The following DGKB variants were observed in gnomAD, a reference collection of about 807,000 sequenced individuals.
The protein encoded by DGKB is 90 kDa diacylglycerol kinase.
A neutral mutation model predicts 114.3 loss-of-function variants in DGKB; 67 were observed. The ratio of observed to expected loss-of-function variants is 0.59; its 90% CI spans 0.48 to 0.72. The LOEUF (loss-of-function observed/expected upper bound fraction) is 0.72, where lower values mean the gene tolerates loss of function less well. Among genes scored for constraint, DGKB ranks in the 30% least tolerant of loss-of-function variants. The pLI, the probability that DGKB is intolerant of heterozygous loss-of-function variation, is 0.00. For synonymous variants in DGKB, 398 were observed against 323.1 expected (o/e 1.23, Z -2.49); for missense variants, 907 against 975.2 (o/e 0.93, Z 0.93).
At chr7:14,582,962 G>A in intron 18 of DGKB, 90 bp downstream of exon 18, 1 of 857,736 alleles carries the variant, frequency 1.2e-6, no homozygotes, top group Non-Finnish European at 2.0e-6. Flanking sequence ...TGCTTCCAAA[G>A]ATAATGATAC....
At chr7:14,672,877 T>C (rs1819202053) in intron 13 of DGKB, 52 bp downstream of exon 13, 1 of 1,102,588 alleles carries the variant, frequency 9.1e-7, no homozygotes, top group Non-Finnish European at 1.3e-6. Context: ...TATACGATAC[T>C]GATAAGTCAC....
At chr7:14,753,905 T>G (rs1332620248) in intron 4 of DGKB, 23 bp downstream of exon 4, 1 of 1,426,614 alleles carries the variant, frequency 7.0e-7, no homozygotes, top group Admixed American at 2.0e-5. Context: ...AGACAGACTT[T>G]AATAGAAAAG....
intron 15 of DGKB, among the ~76,000 whole-genome samples, chr7:14,614,707 C>T (rs1004363892): frequency 2.0e-5 from 3 of 152,090 alleles, no homozygotes; most frequent in East Asian, 3.9e-4. Context: ...TCCACATTAC[C>T]GAAGTGGGAA....
chr7:14,822,703 T>A (rs1845111592), intron 2 of DGKB, among the ~76,000 whole-genome samples: 1 of 152,148 alleles, frequency 6.6e-6, no homozygotes, highest in African/African-American at 2.4e-5. Flanking sequence ...GGTGTGGGTC[T>A]ACAGAATAGA....
chr7:14,907,344 G>T (rs754483607), upstream of DGKB, among the ~76,000 whole-genome samples: 12 of 152,150 alleles, frequency 7.9e-5, no homozygotes, highest in Non-Finnish European at 1.5e-4. Flanking sequence ...CAAAACAGAC[G>T]TGCTTCAATT....
chr7:14,824,148 G>A (rs1404392176), intron 2 of DGKB, among the ~76,000 whole-genome samples: 1 of 152,144 alleles, frequency 6.6e-6, no homozygotes, highest in Admixed American at 6.5e-5. Context: ...CACCCCCCAT[G>A]ATTCAATTAC....
intron 23 of DGKB, among the ~76,000 whole-genome samples, chr7:14,280,618 G>A (rs1474984422): frequency 2.0e-5 from 3 of 151,186 alleles, no homozygotes; most frequent in East Asian, 2.0e-4. Context: ...GAGAAAGGTC[G>A]GGTTCCCCTC....
rs912353089 is a variant in DGKB at position 14,673,186 on chromosome 7, T to G, written c.1036-159A>C. 2.0e-5 allele frequency among the ~76,000 whole-genome samples: 3 copies of G among 152,166 alleles called. No homozygotes were observed. The South Asian group carries it at 6.2e-4, about 32-fold the overall frequency. ...GTCATAAAGGAATTCATAATACATT[T>G]GTCCTTATATATGAACCCTAAATAA... On this transcript the variant is annotated intron_variant, in intron 12 of 25. Transcript: ENST00000402815.
chr7:14,271,118 C>T (rs1372796754), intron 23 of DGKB, among the ~76,000 whole-genome samples: 2 of 152,078 alleles, frequency 1.3e-5, no homozygotes, highest in Non-Finnish European at 2.9e-5. Context: ...GTTTACAGGG[C>T]AATTTTTTTA....
At chr7:14,691,463 T>G (rs555620246) in intron 9 of DGKB, among the ~76,000 whole-genome samples, 4 of 152,304 alleles carry the variant, frequency 2.6e-5, no homozygotes, top group African/African-American at 9.6e-5. Flanking sequence ...GGTAATAATG[T>G]AACACATTAA....
chr7:14,280,880 C>T (rs964112364), intron 23 of DGKB, among the ~76,000 whole-genome samples: 18 of 151,788 alleles, frequency 1.2e-4, no homozygotes, highest in Admixed American at 2.0e-4. Context: ...TGGAAAGGAA[C>T]AACCAGTACC....
chr7:14,891,976 G>C (rs1475703108), intron 1 of DGKB, among the ~76,000 whole-genome samples: 2 of 151,350 alleles, frequency 1.3e-5, no homozygotes, highest in African/African-American at 4.8e-5. Context: ...AAGCCATTGA[G>C]AAAGGGTAAG....
intron 13 of DGKB, among the ~76,000 whole-genome samples, chr7:14,668,981 T>C (rs1818508028): frequency 1.3e-5 from 2 of 151,814 alleles, no homozygotes; most frequent in Admixed American, 1.3e-4. Context: ...ACTGGAATTA[T>C]ATACTAAATG....
intron 25 of DGKB, among the ~76,000 whole-genome samples, chr7:14,165,495 T>G (rs1784488837): frequency 6.6e-6 from 1 of 152,198 alleles, no homozygotes; most frequent in Non-Finnish European, 1.5e-5. Flanking sequence ...AAATCCTTTC[T>G]CATGTACTGT....
At chr7:14,207,486 G>C (rs1450054436) in intron 23 of DGKB, among the ~76,000 whole-genome samples, 1 of 151,970 alleles carries the variant, frequency 6.6e-6, no homozygotes, top group African/African-American at 2.4e-5. Context: ...CTGTGGTGAG[G>C]TGTTGGACTC....
chr7:14,685,625 C>T (rs1325613181), intron 9 of DGKB, among the ~76,000 whole-genome samples: 1 of 152,170 alleles, frequency 6.6e-6, no homozygotes, highest in Non-Finnish European at 1.5e-5. Context: ...CCCAAGCCAT[C>T]GTCATGACCT....
intron 9 of DGKB, among the ~76,000 whole-genome samples, chr7:14,691,462 G>A (rs1765751387): frequency 6.6e-6 from 1 of 152,154 alleles, no homozygotes; most frequent in Admixed American, 6.5e-5. Flanking sequence ...AGGTAATAAT[G>A]TAACACATTA....
In DGKB at chr7:14,892,864, A is replaced by ATGTGTGTG. The variant is rs10646592; in HGVS notation, c.-188+9720_-188+9727dup. On this transcript the variant is annotated intron_variant, in intron 1 of 25. Coordinates refer to ENST00000402815, the MANE Select transcript of DGKB (RefSeq NM_001350709.2). ...AAGTCAACTAATACCATATATATAT[A>ATGTGTGTG]TGTGTGTGTGTGTGTGTGTGTGTAT... 7.6e-3 allele frequency among the ~76,000 whole-genome samples: 1,116 copies of ATGTGTGTG among 147,124 alleles called. 7 individuals carry two copies. Among genetic ancestry groups the ATGTGTGTG allele is most frequent in the East Asian group, 0.03 (150 of 4,940 alleles).
intron 1 of DGKB, among the ~76,000 whole-genome samples, chr7:14,852,011 A>ATTCCT (rs1849415878): frequency 1.3e-5 from 2 of 152,190 alleles, no homozygotes; most frequent in Non-Finnish European, 2.9e-5. Context: ...CCCATTCTGA[A>ATTCCT]TTCCTGGCCT....
Sources: allele counts gnomAD v4.1 joint callset (sites outside exome capture counted in the v4.1 genomes callset), GRCh38; gene constraint gnomAD v4.1.1; transcripts MANE v1.5; gene names NCBI Gene and HGNC (gene_info 2026-07-23, HGNC 2026-07-21).